Variants in WDR27 observed in about 807,000 individuals in gnomAD.
WDR27 encodes the protein WD repeat domain 27.
In WDR27, 100 loss-of-function variants were observed where a neutral mutation model predicts 114.4. The observed-to-expected ratio is 0.87, with a 90% CI of 0.74 to 1.03. The LOEUF (loss-of-function observed/expected upper bound fraction) is 1.03. Among genes scored for constraint, WDR27 ranks in the 50% least tolerant of loss-of-function variants. The pLI is 0.00. For synonymous variants in WDR27, 449 were observed against 423.1 expected (o/e 1.06, Z -0.75); for missense variants, 1,129 against 1,092.9 (o/e 1.03, Z -0.47).
chr6:169,597,925 T>A (rs1366216568), intron 23 of WDR27, among the ~76,000 whole-genome samples: 2 of 139,534 alleles, frequency 1.4e-5, no homozygotes, highest in Non-Finnish European at 1.5e-5. Context: ...CACAGATGCA[T>A]CCCTCTGTAT....
intron 25 of WDR27, among the ~76,000 whole-genome samples, chr6:169,571,196 A>C (rs1227559177): frequency 6.6e-6 from 1 of 152,118 alleles, no homozygotes; most frequent in Non-Finnish European, 1.5e-5. Context: ...CAACTCTCAA[A>C]GTAATACAGC....
At chr6:169,474,787 A>C (rs994963307) in intron 25 of WDR27, among the ~76,000 whole-genome samples, 5 of 152,246 alleles carry the variant, frequency 3.3e-5, no homozygotes, top group African/African-American at 7.2e-5. Context: ...CAGGAATGAT[A>C]AAAATAAATC....
chr6:169,573,669 G>A (rs1047756089), intron 24 of WDR27, among the ~76,000 whole-genome samples: 2 of 152,180 alleles, frequency 1.3e-5, no homozygotes, highest in African/African-American at 2.4e-5. Context: ...GATAATATAA[G>A]GTAATGTGAT....
intron 1 of WDR27, among the ~76,000 whole-genome samples, chr6:169,697,294 C>T (rs1235468973): frequency 6.6e-6 from 1 of 152,166 alleles, no homozygotes; most frequent in Non-Finnish European, 1.5e-5. Flanking sequence ...TATGCCCAGA[C>T]AGGACCACCA....
chr6:169,587,265 C>CT (rs71010608), intron 23 of WDR27, among the ~76,000 whole-genome samples: 132,008 of 147,570 alleles, frequency 0.89, 59,604 homozygotes, highest in East Asian at 0.99. Context: ...GTCGCCCAGG[C>CT]TGGAGTGCAG....
At chr6:169,490,181 T>G (rs940285692) in intron 25 of WDR27, among the ~76,000 whole-genome samples, 3 of 152,180 alleles carry the variant, frequency 2.0e-5, no homozygotes, top group African/African-American at 7.2e-5. Flanking sequence ...AGAACTAGAT[T>G]CAAGTAATCA....
At chr6:169,496,841 A>G (rs1323617410) in intron 25 of WDR27, among the ~76,000 whole-genome samples, 1 of 152,146 alleles carries the variant, frequency 6.6e-6, no homozygotes, top group East Asian at 1.9e-4. Context: ...TTGGAACACA[A>G]TATTGTTAAA....
chr6:169,612,905 A>T (rs1273455244), intron 22 of WDR27, among the ~76,000 whole-genome samples: 1 of 152,216 alleles, frequency 6.6e-6, no homozygotes, highest in Non-Finnish European at 1.5e-5. Context: ...ATTTGAAATA[A>T]TAATAGTAAA....
rs780577759 is a variant in WDR27 at position 169,649,183 on chromosome 6, C to T, written c.1559+15G>A. On this transcript the variant is annotated intron_variant, in intron 15 of 25. Coordinates refer to ENST00000448612, the MANE Select transcript of WDR27 (RefSeq NM_182552.5). ...TTATTTCAAATGTACTTGGAATGCA[C>T]GCTACATCACACACCGTGCGCAGCT... is the stretch of plus-strand genomic sequence containing the variant. 2.8e-5 allele frequency: 43 copies of T among 1,558,908 alleles called. No homozygotes were observed. The highest frequency in any genetic ancestry group is 1.4e-4 in the African/African-American group (10 of 73,364).
Position 169,659,480 on chromosome 6 carries a change from C to T in WDR27, c.1168G>A (p.Ala390Thr). 6.2e-7 allele frequency: 1 copy of T among 1,610,396 alleles called. No individual in the cohort carries two copies. Among genetic ancestry groups the T allele is most frequent in the Non-Finnish European group, 8.5e-7 (1 of 1,178,364 alleles). Reference sequence around the variant, plus strand: ...TGATCCGCAGTGCGGTTCCTCAGGGCACACGATCCGGCCAGCAGGATGCTG... The same window carrying T: ...TGATCCGCAGTGCGGTTCCTCAGGGTACACGATCCGGCCAGCAGGATGCTG... The part of the protein sequence containing the change: ...SLSILLAGSC[A>T]LRNRTADQKV... The change falls in exon 11 of 26, where the codon GCC becomes ACC. Residue 390 changes from alanine (A) to threonine (T), a missense_variant. Ala to Thr is a moderately conservative substitution (Grantham distance 58, BLOSUM62 0). Transcript: ENST00000448612. The surrounding 1 kb of genome is among the most constrained non-coding windows in gnomAD (Gnocchi z 4.3).
At position 169,528,715 on chromosome 6, in the gene WDR27, C is replaced by T. The variant is rs139555039; in HGVS notation, c.2645+43704G>A. ...CTAATTTTTATATTTTTAGTAGAGACGGGGTTTCACCATGTTGGCCAGGCA... is the reference window on the plus strand; with the variant it reads ...CTAATTTTTATATTTTTAGTAGAGATGGGGTTTCACCATGTTGGCCAGGCA... On this transcript the variant is annotated intron_variant, in intron 25 of 25. Transcript: ENST00000448612. Among the ~76,000 whole-genome samples, 530 of 152,226 alleles carry T rather than the reference C, an allele frequency of 3.5e-3. 3 individuals are homozygous for T. Among genetic ancestry groups the T allele is most frequent in the African/African-American group, 0.012 (498 of 41,544 alleles).
chr6:169,507,580 T>A (rs1356216141), intron 25 of WDR27, among the ~76,000 whole-genome samples: 4 of 152,230 alleles, frequency 2.6e-5, no homozygotes, highest in African/African-American at 9.6e-5. Context: ...CTACGCTTCT[T>A]GTCTGCTAAT....
At chr6:169,643,611 A>C (rs1819732427) in intron 17 of WDR27, 86 bp downstream of exon 17, 1 of 1,155,004 alleles carries the variant, frequency 8.7e-7, no homozygotes, top group Non-Finnish European at 1.2e-6. Flanking sequence ...TGAAGGAAAC[A>C]AAAGTGTCCT....
chr6:169,672,987 T>C (rs546345790), intron 2 of WDR27, among the ~76,000 whole-genome samples: 1 of 152,092 alleles, frequency 6.6e-6, no homozygotes, highest in East Asian at 1.9e-4. Flanking sequence ...CAGACGAGTG[T>C]TGGGGGTATA....
At chr6:169,650,968 T>C (rs1197154047) in intron 14 of WDR27, among the ~76,000 whole-genome samples, 1 of 151,994 alleles carries the variant, frequency 6.6e-6, no homozygotes, top group Non-Finnish European at 1.5e-5. Context: ...GTCACCATTG[T>C]TCAAGCCAGA....
chr6:169,642,051 A>G (rs2128228584), intron 17 of WDR27, among the ~76,000 whole-genome samples: 1 of 152,378 alleles, frequency 6.6e-6, no homozygotes, highest in African/African-American at 2.4e-5. Context: ...GGTTGCTCTC[A>G]GTGGTTTTCA....
At chr6:169,634,996 A>G (rs1264607054) in intron 19 of WDR27, among the ~76,000 whole-genome samples, 5 of 152,216 alleles carry the variant, frequency 3.3e-5, no homozygotes, top group East Asian at 1.9e-4. Flanking sequence ...ACCAACTCTC[A>G]GGGGCAAAGG....
rs1361749196 is a variant in WDR27, at chr6:169,485,815, AC to A, written c.2646-28182del. ...AAACGTGGGACATATACGCCACAGA[AC>A]ACTATGCAGCCATAAAAAAGAATGA... On this transcript the variant is annotated intron_variant, in intron 25 of 25. Coordinates refer to ENST00000448612, the MANE Select transcript of WDR27 (RefSeq NM_182552.5). 6.6e-5 allele frequency among the ~76,000 whole-genome samples: 10 copies of A among 152,250 alleles called. No individual in the cohort carries two copies. In the East Asian group the frequency reaches 1.9e-3, roughly 29 times the overall value.
intron 23 of WDR27, among the ~76,000 whole-genome samples, chr6:169,593,869 A>C (rs1297340071): frequency 1.0e-5 from 1 of 97,208 alleles, no homozygotes; most frequent in Non-Finnish European, 2.9e-5. Context: ...ACAAACAAAC[A>C]AACAAACAAA....
Sources: allele counts gnomAD v4.1 joint callset (sites outside exome capture counted in the v4.1 genomes callset), GRCh38; gene constraint gnomAD v4.1.1; non-coding constraint Gnocchi (gnomAD v3.1); transcripts MANE v1.5; gene names NCBI Gene and HGNC (gene_info 2026-07-23, HGNC 2026-07-21).